The following ADGRL3 variants were observed in gnomAD, a reference collection of about 807,000 sequenced individuals.
ADGRL3 encodes calcium-independent alpha-latrotoxin receptor 3.
ADGRL3 carries 62 observed loss-of-function variants against 153.5 expected under a neutral mutation model. The ratio of observed to expected loss-of-function variants is 0.40; its 90% CI spans 0.33 to 0.50. The LOEUF (loss-of-function observed/expected upper bound fraction) is 0.50. ADGRL3 is among the 20% of genes least tolerant of loss of function. ADGRL3 has a pLI of 0.47. For synonymous variants in ADGRL3, 710 were observed against 672.5 expected, an observed-to-expected ratio of 1.06 and a Z score of -0.86; for missense variants, 1,641 against 1,859.4, an observed-to-expected ratio of 0.88 and a Z score of 2.16.
At chr4:61,433,016 G>A (rs1483902734) in intron 2 of ADGRL3, among the ~76,000 whole-genome samples, 1 of 151,970 alleles carries the variant, frequency 6.6e-6, no homozygotes, top group African/African-American at 2.4e-5. Context: ...GCATAGAACA[G>A]AGAAATAAAA....
chr4:61,624,821 A>T (rs2092735721), intron 5 of ADGRL3, among the ~76,000 whole-genome samples: 1 of 152,080 alleles, frequency 6.6e-6, no homozygotes, highest in Non-Finnish European at 1.5e-5. Context: ...AACTATAATG[A>T]TGTAATTTTA....
intron 8 of ADGRL3, among the ~76,000 whole-genome samples, chr4:61,755,487 T>G (rs2152103452): frequency 6.6e-6 from 1 of 152,306 alleles, no homozygotes; most frequent in East Asian, 1.9e-4. Context: ...TCTTGTAAAT[T>G]TGTTTCAGTT....
intron 5 of ADGRL3, among the ~76,000 whole-genome samples, chr4:61,646,855 G>T (rs1274254901): frequency 6.6e-6 from 1 of 152,224 alleles, no homozygotes; most frequent in Admixed American, 6.5e-5. Context: ...CCTGGGCAAT[G>T]GCGGGCGCCC....
Position 62,078,031 on chromosome 4 carries a change from T to C in ADGRL3, c.*7123T>C, listed in dbSNP as rs1233221361. ...CCCCCTCACCAAGCATTAAATCTAATTCAAAATATGTCTTTCTAAAAAACA... is the reference window on the plus strand; with the variant it reads ...CCCCCTCACCAAGCATTAAATCTAACTCAAAATATGTCTTTCTAAAAAACA... On this transcript the variant is annotated 3_prime_UTR_variant, in exon 27 of 27. Coordinates refer to ENST00000683033, the MANE Select transcript of ADGRL3 (RefSeq NM_001387552.1). The C allele has an allele frequency of 6.6e-6, 1 of 152,012 alleles. No homozygotes were observed. Among genetic ancestry groups the C allele is most frequent in the Non-Finnish European group, 1.5e-5 (1 of 67,904 alleles). 9.4% of individuals were successfully genotyped at this position (152,012 alleles called of 1,614,324 possible). A position where few individuals can be genotyped will look rare whatever the true frequency, so the allele number is the denominator to read the frequency against.
chr4:61,539,875 C>A (rs992691836), intron 4 of ADGRL3, among the ~76,000 whole-genome samples: 1 of 152,268 alleles, frequency 6.6e-6, no homozygotes, highest in East Asian at 1.9e-4. Context: ...AGCCTTTCTG[C>A]TTCCCTTTTC....
chr4:62,027,403 GAGT>G (rs960777638), intron 21 of ADGRL3, among the ~76,000 whole-genome samples: 1 of 151,960 alleles, frequency 6.6e-6, no homozygotes, highest in Admixed American at 6.6e-5. Flanking sequence ...TGAAGCTTTT[GAGT>G]ACTTGTGTTG....
At chr4:61,869,894 T>C (rs1466057490) in intron 9 of ADGRL3, among the ~76,000 whole-genome samples, 2 of 126,602 alleles carry the variant, frequency 1.6e-5, no homozygotes, top group African/African-American at 6.2e-5. Flanking sequence ...GCTGAGATCA[T>C]GCCATTGCAC....
chr4:61,674,646 T>C (rs183198511), intron 5 of ADGRL3, among the ~76,000 whole-genome samples: 2 of 151,992 alleles, frequency 1.3e-5, no homozygotes, highest in Admixed American at 1.3e-4. Context: ...TTCCTGATAA[T>C]TGCTAATTTT....
At chr4:61,776,273 C>T (rs1055186842) in intron 8 of ADGRL3, among the ~76,000 whole-genome samples, 2 of 152,254 alleles carry the variant, frequency 1.3e-5, no homozygotes, top group African/African-American at 2.4e-5. Flanking sequence ...AGAGGCCTCA[C>T]GCGCCGAAAA....
intron 1 of ADGRL3, among the ~76,000 whole-genome samples, chr4:61,269,720 A>G (rs1392754900): frequency 1.3e-5 from 2 of 151,764 alleles, no homozygotes; most frequent in Non-Finnish European, 3.0e-5. Context: ...TATTTTACAA[A>G]TTAAACGAAG....
At chr4:61,682,009 A>G (rs572317110) in intron 6 of ADGRL3, among the ~76,000 whole-genome samples, 8 of 152,108 alleles carry the variant, frequency 5.3e-5, no homozygotes, top group East Asian at 1.9e-4. Context: ...GGCTTCTCCA[A>G]AAGTACTGCA....
At chr4:62,067,774 C>T (rs961090899) in intron 25 of ADGRL3, among the ~76,000 whole-genome samples, 1 of 151,948 alleles carries the variant, frequency 6.6e-6, no homozygotes, top group Non-Finnish European at 1.5e-5. Context: ...TTCCTTGAAG[C>T]ACGTATACTC....
At chr4:61,370,817 A>G (rs1421530945) in intron 1 of ADGRL3, among the ~76,000 whole-genome samples, 2 of 152,078 alleles carry the variant, frequency 1.3e-5, no homozygotes, top group Admixed American at 6.5e-5. Flanking sequence ...TCTGTCTAAT[A>G]TTGACAGTGG....
intron 23 of ADGRL3, among the ~76,000 whole-genome samples, chr4:62,036,236 C>T (rs1248963082): frequency 6.6e-6 from 1 of 151,998 alleles, no homozygotes; most frequent in Non-Finnish European, 1.5e-5. Context: ...CCTGTTTTTT[C>T]ATTCTATTCT....
intron 9 of ADGRL3, among the ~76,000 whole-genome samples, chr4:61,878,627 T>G (rs1292958494): frequency 3.3e-5 from 5 of 152,216 alleles, no homozygotes; most frequent in Non-Finnish European, 5.9e-5. Flanking sequence ...AGTCCCAATG[T>G]TAATATTTTG....
intron 9 of ADGRL3, among the ~76,000 whole-genome samples, chr4:61,863,206 G>C (rs2098362441): frequency 6.8e-6 from 1 of 146,036 alleles, no homozygotes; most frequent in Admixed American, 6.8e-5. Context: ...AAACGTGCTT[G>C]TGTACATCAT....
At chr4:61,598,925 G>A (rs1236502953) in intron 5 of ADGRL3, among the ~76,000 whole-genome samples, 1 of 152,082 alleles carries the variant, frequency 6.6e-6, no homozygotes. Flanking sequence ...CTGGTAAAGA[G>A]ATTAATACAA....
intron 3 of ADGRL3, among the ~76,000 whole-genome samples, chr4:61,505,262 C>G (rs1560747532): frequency 6.6e-6 from 1 of 152,150 alleles, no homozygotes. Context: ...TGAGAAATGT[C>G]TATTCACATC....
At chr4:61,528,058 T>C (rs762320470) in intron 4 of ADGRL3, among the ~76,000 whole-genome samples, 5 of 152,160 alleles carry the variant, frequency 3.3e-5, no homozygotes, top group African/African-American at 4.8e-5. Context: ...AGAAGATAGA[T>C]GCTTGGTCCA....
Sources: gnomAD v4.1 joint callset for allele counts (sites outside exome capture counted in the v4.1 genomes callset) on GRCh38, gnomAD v4.1.1 for gene constraint, MANE v1.5 for transcripts, NCBI Gene and HGNC (gene_info 2026-07-23, HGNC 2026-07-21) for gene names.